The following ARHGAP10 variants were observed in gnomAD, a reference collection of about 807,000 sequenced individuals.
ARHGAP10 encodes the protein rho GTPase-activating protein 10.
Under a neutral mutation model 108.6 loss-of-function variants are expected in ARHGAP10, and 87 were observed. That is an observed-to-expected ratio of 0.80 (90% confidence interval 0.67 to 0.96). ARHGAP10 has a LOEUF of 0.96. Among genes scored for constraint, ARHGAP10 ranks in the 40% least tolerant of loss-of-function variants. The pLI, the probability that ARHGAP10 is intolerant of heterozygous loss-of-function variation, is 0.00. For missense variants in ARHGAP10, 939 were observed against 954.5 expected (o/e 0.98, Z 0.21); for synonymous variants, 347 against 341.1 (o/e 1.02, Z -0.19).
chr4:148,071,686 T>C (rs1730189988), intron 22 of ARHGAP10, among the ~76,000 whole-genome samples: 1 of 151,324 alleles, frequency 6.6e-6, no homozygotes, highest in Non-Finnish European at 1.5e-5. Flanking sequence ...AGGGGAGTGA[T>C]GTGATCAGCT....
In ARHGAP10 at chr4:147,766,799, CATAT is replaced by C. The variant is rs57572532; in HGVS notation, c.154+34381_154+34384del. Among the ~76,000 whole-genome samples, 638 of 126,244 alleles carry C rather than the reference CATAT, an allele frequency of 5.1e-3. 9 individuals are homozygous for C. Among genetic ancestry groups the C allele is most frequent in the African/African-American group, 0.018 (489 of 27,192 alleles). 82.8% of individuals were successfully genotyped at this position (126,244 alleles called of 152,430 possible). A position where few individuals can be genotyped will look rare whatever the true frequency, so the allele number is the denominator to read the frequency against. ...TCATATATATTCATACATATATTCA[CATAT>C]ATATATATATATATATATATATATA... On this transcript the variant is annotated intron_variant, in intron 1 of 22. Transcript: ENST00000336498.
chr4:147,846,119 A>G (rs1410345937), intron 3 of ARHGAP10, among the ~76,000 whole-genome samples: 2 of 152,186 alleles, frequency 1.3e-5, no homozygotes, highest in African/African-American at 2.4e-5. Flanking sequence ...CCTGGGGTAG[A>G]AAGTTGAAAC....
chr4:147,865,627 C>T (rs572443397), intron 6 of ARHGAP10: 4 of 152,208 alleles, frequency 2.6e-5, no homozygotes, highest in Non-Finnish European at 5.9e-5. Flanking sequence ...ATTTTAATAT[C>T]GACTTATTGA....
chr4:147,829,524 C>G (rs1184836906), intron 3 of ARHGAP10, among the ~76,000 whole-genome samples: 1 of 152,104 alleles, frequency 6.6e-6, no homozygotes, highest in Non-Finnish European at 1.5e-5. Context: ...TTTTGCTGAT[C>G]ATGTTGCCAC....
intron 3 of ARHGAP10, among the ~76,000 whole-genome samples, chr4:147,841,790 T>C (rs1185177210): frequency 6.6e-6 from 1 of 152,222 alleles, no homozygotes; most frequent in Non-Finnish European, 1.5e-5. Flanking sequence ...AAATCATAAT[T>C]TTAAGCTCTT....
intron 22 of ARHGAP10, among the ~76,000 whole-genome samples, chr4:148,071,243 TG>T (rs2149696120): frequency 6.6e-6 from 1 of 152,360 alleles, no homozygotes; most frequent in African/African-American, 2.4e-5. Context: ...ATGCATGATG[TG>T]CCAGTGGAGT....
At chr4:147,877,809 A>G (rs1310851991) in intron 8 of ARHGAP10, among the ~76,000 whole-genome samples, 1 of 136,206 alleles carries the variant, frequency 7.3e-6, no homozygotes, top group Admixed American at 7.1e-5. Flanking sequence ...TAGATTTCTT[A>G]TTCTTCATAC....
At chr4:148,046,861 G>T (rs903639576) in intron 19 of ARHGAP10, 31 bp from the exon 20 acceptor site, 2 of 1,594,308 alleles carry the variant, frequency 1.3e-6, no homozygotes, top group Non-Finnish European at 8.6e-7. Flanking sequence ...CCAGGTATTT[G>T]TTTGATATTC....
At chr4:147,981,821 C>CTT (rs147545995) in intron 18 of ARHGAP10, among the ~76,000 whole-genome samples, 3 of 151,918 alleles carry the variant, frequency 2.0e-5, no homozygotes, top group African/African-American at 7.2e-5. Flanking sequence ...CTTACTTGTC[C>CTT]TTTTTTTTAC....
chr4:147,769,254 A>G (rs1037191844), intron 1 of ARHGAP10, among the ~76,000 whole-genome samples: 3 of 152,204 alleles, frequency 2.0e-5, no homozygotes, highest in African/African-American at 7.2e-5. Context: ...GGTATCCATC[A>G]TGATCCTAAT....
intron 3 of ARHGAP10, among the ~76,000 whole-genome samples, chr4:147,825,433 C>T (rs1010505678): frequency 3.3e-5 from 5 of 150,018 alleles, no homozygotes; most frequent in Admixed American, 6.6e-5. Flanking sequence ...GGCGACAGAG[C>T]GAGACTCCAT....
At chr4:147,791,953 T>G (rs1273593073) in intron 1 of ARHGAP10, among the ~76,000 whole-genome samples, 1 of 152,214 alleles carries the variant, frequency 6.6e-6, no homozygotes. Context: ...TTCATTAATG[T>G]AAATAGCACT....
chr4:147,968,458 C>CAAA (rs1739284204), intron 18 of ARHGAP10, among the ~76,000 whole-genome samples: 1 of 152,148 alleles, frequency 6.6e-6, no homozygotes, highest in Non-Finnish European at 1.5e-5. Flanking sequence ...TTGTTAGTAA[C>CAAA]CCAGATAAAT....
chr4:147,787,176 G>A (rs1337235406), intron 1 of ARHGAP10, among the ~76,000 whole-genome samples: 1 of 152,156 alleles, frequency 6.6e-6, no homozygotes, highest in Non-Finnish European at 1.5e-5. Context: ...GGAGGCTTTA[G>A]AAGCAAGGAG....
At chr4:147,908,344 A>G (rs899586002) in intron 11 of ARHGAP10, among the ~76,000 whole-genome samples, 2 of 152,192 alleles carry the variant, frequency 1.3e-5, no homozygotes, top group Non-Finnish European at 1.5e-5. Context: ...AAAAAAAATA[A>G]TGGTACTTTG....
Position 147,913,399 on chromosome 4 carries a change from G to A in ARHGAP10, c.1228+260G>A, listed in dbSNP as rs571828049. On this transcript the variant is annotated intron_variant, in intron 13 of 22. Coordinates refer to ENST00000336498, the MANE Select transcript of ARHGAP10 (RefSeq NM_024605.4). ...GTCTTAGTCTGTTAGATCTGCCATA[G>A]CAAGATACCACAGATTGGGTGGCTT... Among the ~76,000 whole-genome samples, 3 of 152,306 alleles carry A rather than the reference G, an allele frequency of 2.0e-5. No homozygotes were observed. In the East Asian group the frequency reaches 5.8e-4, roughly 29 times the overall value.
chr4:147,867,931 T>A (rs1317107126), intron 7 of ARHGAP10, among the ~76,000 whole-genome samples: 1 of 150,990 alleles, frequency 6.6e-6, no homozygotes, highest in Non-Finnish European at 1.5e-5. Flanking sequence ...TCTAACTTTT[T>A]TTTTTTTTTA....
At chr4:147,735,804 GGCTTTTTTAGTTTTCTT>G (rs1273061493) in intron 1 of ARHGAP10, among the ~76,000 whole-genome samples, 3 of 152,092 alleles carry the variant, frequency 2.0e-5, no homozygotes, top group African/African-American at 7.2e-5. Flanking sequence ...TTGTTCAAAT[GGCTTTTTTAGTTTTCTT>G]TTTAAAGTAC....
In ARHGAP10 at chr4:147,755,497, T is replaced by C. The variant is rs1032265140; in HGVS notation, c.154+23042T>C. Among the ~76,000 whole-genome samples the C allele has an allele frequency of 3.3e-5, 5 of 152,126 alleles. No homozygotes were observed. In the East Asian group the frequency reaches 9.7e-4, roughly 29 times the overall value. On this transcript the variant is annotated intron_variant, in intron 1 of 22. Transcript: ENST00000336498. ...GAGATCACGCCATTGCACTCCAGCC[T>C]GGGCAACAAGAGTGAAACTCCGTCT...
Sources: allele counts gnomAD v4.1 joint callset (sites outside exome capture counted in the v4.1 genomes callset), GRCh38; gene constraint gnomAD v4.1.1; transcripts MANE v1.5; gene names NCBI Gene and HGNC (gene_info 2026-07-23, HGNC 2026-07-21).